PHF19: variants seen among roughly 807,000 people sequenced by gnomAD.
PHF19 encodes the protein polycomb like 3.
In PHF19, 21 loss-of-function variants were observed where a neutral mutation model predicts 79.8. The ratio of observed to expected loss-of-function variants is 0.26; its 90% CI spans 0.19 to 0.38. PHF19 has a LOEUF of 0.38. PHF19 is among the 10% of genes least tolerant of loss of function. The pLI, the probability that PHF19 is intolerant of heterozygous loss-of-function variation, is 1.00. For synonymous variants in PHF19, 273 were observed against 296.3 expected, an observed-to-expected ratio of 0.92 and a Z score of 0.81; for missense variants, 445 against 744.2, an observed-to-expected ratio of 0.60 and a Z score of 4.68.
Position 120,870,410 on chromosome 9 carries a change from G to C in PHF19, c.364+33C>G, listed in dbSNP as rs369350027. On this transcript the variant is annotated intron_variant, in intron 4 of 14. Transcript: ENST00000373896. This position sits in a 1 kb window ranked among gnomAD's most constrained non-coding sequence, Gnocchi z 4.4. ...CCAGTGCGTGGGGACCTATAGGTCGGGGCCTTCTCAGGGCCCTGCTCGCTC... is the reference window on the plus strand; with the variant it reads ...CCAGTGCGTGGGGACCTATAGGTCGCGGCCTTCTCAGGGCCCTGCTCGCTC... The C allele has an allele frequency of 1.2e-5, 17 of 1,375,830 alleles. No individual in the cohort carries two copies. Among genetic ancestry groups the C allele is most frequent in the African/African-American group, 8.5e-5 (6 of 70,336 alleles). 85.2% of individuals were successfully genotyped at this position (1,375,830 alleles called of 1,614,324 possible).
chr9:120,902,584 CT>C, the PHF19 span: 1 of 152,306 alleles, frequency 6.6e-6, no homozygotes, highest in Non-Finnish European at 1.5e-5. Flanking sequence ...TTCTGACTCC[CT>C]CCCCCATCCT....
At chr9:120,896,732 C>T (rs1325344997), upstream of PHF19, among the ~76,000 whole-genome samples, 1 of 152,100 alleles carries the variant, frequency 6.6e-6, no homozygotes, top group Non-Finnish European at 1.5e-5. Context: ...GGATTACAGG[C>T]GTGAGCCACC....
chr9:120,860,349 C>T lies in PHF19; in HGVS notation c.1305-164G>A. The T allele has an allele frequency of 1.7e-6, 1 of 591,626 alleles. No individual in the cohort carries two copies. Among genetic ancestry groups the T allele is most frequent in the South Asian group, 1.9e-5 (1 of 52,082 alleles). 36.6% of individuals were successfully genotyped at this position (591,626 alleles called of 1,614,324 possible). On this transcript the variant is annotated intron_variant, in intron 13 of 14. Coordinates refer to ENST00000373896, the MANE Select transcript of PHF19 (RefSeq NM_015651.3). The surrounding 1 kb of genome is among the most constrained non-coding windows in gnomAD (Gnocchi z 4.1). ...ACCTGTCTGTTTCCTACCCAGCCAC[C>T]CTTCAAAGTCCAAGAAGTCAAAAAA...
chr9:120,894,574 G>A (rs1260901646), intron 1 of PHF19, among the ~76,000 whole-genome samples: 5 of 152,020 alleles, frequency 3.3e-5, no homozygotes, highest in Admixed American at 6.5e-5. Context: ...GCCGCGGCGG[G>A]AGGCCCCTGA....
chr9:120,871,670 A>G (rs3933326), intron 3 of PHF19, among the ~76,000 whole-genome samples: 99,072 of 152,006 alleles, frequency 0.65, 32,705 homozygotes, highest in South Asian at 0.78. Flanking sequence ...AAAGGTTTGT[A>G]TGTATACATT....
chr9:120,874,406 G>C lies in PHF19; in HGVS notation c.186+150C>G. 1.6e-6 allele frequency: 1 copy of C among 613,530 alleles called. No homozygotes were observed. The highest frequency in any genetic ancestry group is 2.9e-6 in the Non-Finnish European group (1 of 346,222). The allele number at this position is 613,530 out of a possible 1,614,324, so 38.0% of individuals were successfully genotyped here. A position where few individuals can be genotyped will look rare whatever the true frequency, so the allele number is the denominator to read the frequency against. ...CTAGGGATGGTGCCTGCAAGACCAG[G>C]CTCTGGCCCCTCCCACCACCAGCTT... On this transcript the variant is annotated intron_variant, in intron 2 of 14. Coordinates refer to ENST00000373896, the MANE Select transcript of PHF19 (RefSeq NM_015651.3). The surrounding 1 kb of genome is among the most constrained non-coding windows in gnomAD (Gnocchi z 4.5).
upstream of PHF19, among the ~76,000 whole-genome samples, chr9:120,898,984 A>G (rs963816978): frequency 2.0e-5 from 3 of 150,846 alleles, no homozygotes; most frequent in African/African-American, 7.3e-5. Flanking sequence ...GGATTACCTG[A>G]GGTCGGGAGT....
intron 1 of PHF19, among the ~76,000 whole-genome samples, chr9:120,890,242 T>G (rs1165959812): frequency 6.6e-6 from 1 of 151,580 alleles, no homozygotes; most frequent in Non-Finnish European, 1.5e-5. Context: ...TGATTCAGGT[T>G]TTGTGAGCTG....
At chr9:120,880,221 A>C (rs2046158899), upstream of PHF19, among the ~76,000 whole-genome samples, 7 of 152,260 alleles carry the variant, frequency 4.6e-5, no homozygotes, top group South Asian at 1.4e-3. Context: ...TAGGCCAGGC[A>C]CTGTGGCTCA....
intron 1 of PHF19, among the ~76,000 whole-genome samples, chr9:120,893,025 C>T (rs1039715038): frequency 6.6e-6 from 1 of 152,156 alleles, no homozygotes; most frequent in Non-Finnish European, 1.5e-5. Flanking sequence ...TCAGTTTCCT[C>T]GTCTGTACAA....
rs2045402827 is a variant in PHF19, at chr9:120,858,196, G to T, written c.1491C>A (p.Arg497=). The change falls in exon 15 of 15, where the codon CGC becomes CGA. Residue 497 remains arginine, a synonymous_variant. Transcript: ENST00000373896. ...AKRWAAELDG[R]CPSDSSAEGA... ...CCTCTGCACTGCTGTCCGAGGGGCA[G>T]CGTCCATCCAGCTCAGCTGCCCACC... The T allele has an allele frequency of 2.5e-6, 4 of 1,597,656 alleles. No homozygotes were observed. The Admixed American group carries it at 5.0e-5, about 20-fold the overall frequency.
chr9:120,903,095 G>A, the PHF19 span: 4 of 152,336 alleles, frequency 2.6e-5, no homozygotes, highest in East Asian at 7.7e-4. Flanking sequence ...TCAGGGCCTA[G>A]ACCCATCACT....
At position 120,869,582 on chromosome 9, in the gene PHF19, A is replaced by G. The variant is rs571815637; in HGVS notation, c.466-252T>C. On this transcript the variant is annotated intron_variant, in intron 5 of 14. Coordinates refer to ENST00000373896, the MANE Select transcript of PHF19 (RefSeq NM_015651.3). This position sits in a 1 kb window ranked among gnomAD's most constrained non-coding sequence, Gnocchi z 5.8. The stretch of plus-strand genomic sequence containing the variant: ...GCAACAATTACCAACATGTATTTAC[A>G]TGGATTTTCTTTTTTAATAGTAAAG... The G allele has an allele frequency of 3.8e-5, 56 of 1,467,602 alleles. No homozygotes were observed. The East Asian group carries it at 1.0e-3, about 27-fold the overall frequency. 90.9% of individuals were successfully genotyped at this position (1,467,602 alleles called of 1,614,324 possible).
intron 12 of PHF19, among the ~76,000 whole-genome samples, 158 bp downstream of exon 12, chr9:120,861,760 G>C (rs766219759): frequency 6.6e-6 from 1 of 152,116 alleles, no homozygotes; most frequent in Non-Finnish European, 1.5e-5. Context: ...ATAAAGCAGG[G>C]GTCTTAGAGT....
upstream of PHF19, among the ~76,000 whole-genome samples, chr9:120,881,437 G>A (rs913266718): frequency 4.6e-5 from 7 of 152,076 alleles, no homozygotes; most frequent in South Asian, 2.1e-4. Context: ...GTGAGTCACC[G>A]TGCCTGGCCC....
At chr9:120,884,439 C>T (rs972650584) in intron 1 of PHF19, among the ~76,000 whole-genome samples, 13 of 152,122 alleles carry the variant, frequency 8.5e-5, no homozygotes, top group African/African-American at 1.4e-4. Flanking sequence ...AGCTGCTCCC[C>T]GGGAGCCAAG....
At position 120,860,150 on chromosome 9, in the gene PHF19, T is replaced by A; in HGVS notation, c.1340A>T (p.Asp447Val). ...SSGQTFFSDV[D>V]STDAASTSGS... is the part of the protein sequence containing the mutation. ...AGAGGTGCTGGCAGCGTCGGTGGAG[T>A]CGACATCTGAGAAGAAGGTCTGGCC... Residue 447 changes from aspartate to valine, a missense_variant, in exon 14 of 15, where the codon GAC becomes GTC. Physicochemically the swap from Asp to Val is radical, Grantham distance 152 (BLOSUM62 -3). Coordinates refer to ENST00000373896, the MANE Select transcript of PHF19 (RefSeq NM_015651.3). This position sits in a 1 kb window ranked among gnomAD's most constrained non-coding sequence, Gnocchi z 4.1. 1 of 1,598,516 alleles carries A rather than the reference T, an allele frequency of 6.3e-7. No homozygotes were observed. Among genetic ancestry groups the A allele is most frequent in the South Asian group, 1.1e-5 (1 of 88,238 alleles).
chr9:120,888,161 GA>G (rs1437439343), intron 1 of PHF19, among the ~76,000 whole-genome samples: 1 of 152,198 alleles, frequency 6.6e-6, no homozygotes, highest in Admixed American at 6.5e-5. Context: ...TTTTAGTAGA[GA>G]GGGGGGTTTC....
chr9:120,868,690 C>G, intron 6 of PHF19: 1 of 365,960 alleles, frequency 2.7e-6, no homozygotes, highest in Non-Finnish European at 3.8e-6. Flanking sequence ...CCACCCCGAG[C>G]CCTTCCCTTC....
Sources: gnomAD v4.1 joint callset for allele counts (sites outside exome capture counted in the v4.1 genomes callset) on GRCh38, gnomAD v4.1.1 for gene constraint, Gnocchi (gnomAD v3.1) non-coding constraint, MANE v1.5 for transcripts, NCBI Gene and HGNC (gene_info 2026-07-23, HGNC 2026-07-21) for gene names.